The following DNAH14 variants were observed in gnomAD, a reference collection of about 807,000 sequenced individuals.
DNAH14 encodes axonemal beta dynein heavy chain 14.
DNAH14 carries 478 observed loss-of-function variants against 520.9 expected under a neutral mutation model. The observed-to-expected ratio is 0.92, with a 90% CI of 0.85 to 0.99. The LOEUF (loss-of-function observed/expected upper bound fraction) is 0.99. Among genes scored for constraint, DNAH14 ranks in the 50% least tolerant of loss-of-function variants. The probability of loss-of-function intolerance (pLI) is 0.00; values close to 1 mark genes in which losing one functional copy is unlikely to be tolerated. For missense variants in DNAH14, 4,831 were observed against 5,234.5 expected, an observed-to-expected ratio of 0.92 and a Z score of 2.38; for synonymous variants, 1,581 against 1,757.2, an observed-to-expected ratio of 0.90 and a Z score of 2.51.
At chr1:225,127,687 G>A (rs945813298) in intron 27 of DNAH14, among the ~76,000 whole-genome samples, 1 of 152,144 alleles carries the variant, frequency 6.6e-6, no homozygotes, top group South Asian at 2.1e-4. Flanking sequence ...GTCTTTTAAT[G>A]GGAGCGTTTA....
At chr1:225,190,234 C>A (rs1249457987) in intron 37 of DNAH14, among the ~76,000 whole-genome samples, 4 of 151,060 alleles carry the variant, frequency 2.6e-5, no homozygotes, top group Non-Finnish European at 4.5e-5. Flanking sequence ...TGAAATAGAA[C>A]AATTATAAAA....
intron 55 of DNAH14, among the ~76,000 whole-genome samples, chr1:225,299,864 C>G (rs2094104660): frequency 6.6e-6 from 1 of 152,150 alleles, no homozygotes; most frequent in Non-Finnish European, 1.5e-5. Context: ...CCCTGTGTCA[C>G]CTCTGTTGGC....
intron 8 of DNAH14, among the ~76,000 whole-genome samples, chr1:224,987,954 T>C (rs1003754277): frequency 3.9e-5 from 6 of 152,242 alleles, no homozygotes; most frequent in Middle Eastern, 6.8e-3. Flanking sequence ...GTTTGTTACA[T>C]AGGTAAATGT....
intron 21 of DNAH14, among the ~76,000 whole-genome samples, chr1:225,092,877 A>G (rs2074525983): frequency 6.6e-6 from 1 of 152,166 alleles, no homozygotes. Context: ...AGAAACCTTC[A>G]GAGACTACTA....
intron 79 of DNAH14, 151 bp from the exon 80 acceptor site, chr1:225,380,008 C>A: frequency 1.4e-6 from 1 of 737,034 alleles, no homozygotes; most frequent in South Asian, 2.1e-5. Flanking sequence ...GATGTATAAT[C>A]TATTTTTGTT....
At chr1:225,278,564 T>C (rs1170449352) in intron 54 of DNAH14, among the ~76,000 whole-genome samples, 2 of 152,194 alleles carry the variant, frequency 1.3e-5, no homozygotes, top group Non-Finnish European at 2.9e-5. Flanking sequence ...GTCCTTAGCC[T>C]TATCTTATAT....
intron 77 of DNAH14, among the ~76,000 whole-genome samples, chr1:225,373,335 C>CGG (rs2095642988): frequency 6.6e-6 from 1 of 152,006 alleles, no homozygotes; most frequent in Non-Finnish European, 1.5e-5. Flanking sequence ...CGTGGTGGTG[C>CGG]GCGCCTGTAG....
At position 225,207,040 on chromosome 1, in the gene DNAH14, T is replaced by A. The variant is rs1199778022; in HGVS notation, c.6259T>A (p.Ser2087Thr). The change falls in exon 41 of 86, where the codon TCA becomes ACA. Residue 2087 changes from serine (S) to threonine (T), a missense_variant. Physicochemically the swap from Ser to Thr is moderately conservative, Grantham distance 58. Coordinates refer to ENST00000682510, the MANE Select transcript of DNAH14 (RefSeq NM_001367479.1). The part of the protein sequence containing the change: ...LLKTSKIISQ[S>T]GVDCLEFMIK... ...GAAAACTTCTAAAATTATAAGTCAA[T>A]CAGGAGTGGATTGTCTTGAATTCAT... The A allele has an allele frequency of 1.9e-6, 3 of 1,549,220 alleles. No homozygotes were observed. The highest frequency in any genetic ancestry group is 2.6e-6 in the Non-Finnish European group (3 of 1,146,008).
chr1:225,325,656 G>A (rs988928300), intron 64 of DNAH14, among the ~76,000 whole-genome samples: 2 of 152,060 alleles, frequency 1.3e-5, no homozygotes, highest in African/African-American at 4.8e-5. Flanking sequence ...TTTAGCTCAC[G>A]TACATTTTGA....
chr1:225,105,487 A>G lies in DNAH14; in HGVS notation c.3867+4603A>G, dbSNP rs575019653. 1.1e-4 allele frequency among the ~76,000 whole-genome samples: 16 copies of G among 152,204 alleles called. 1 individual carries two copies. In the South Asian group the frequency reaches 1.9e-3, roughly 18 times the overall value. ...ATCTGTCTAATGTTGACAGTGGGGT[A>G]TTAAAGTCTCCCATTATTATTGTGT... On this transcript the variant is annotated intron_variant, in intron 23 of 85. Coordinates refer to ENST00000682510, the MANE Select transcript of DNAH14 (RefSeq NM_001367479.1).
At chr1:225,094,158 C>T (rs2074669852) in intron 21 of DNAH14, among the ~76,000 whole-genome samples, 1 of 151,980 alleles carries the variant, frequency 6.6e-6, no homozygotes, top group Non-Finnish European at 1.5e-5. Context: ...CAAAAAAGAG[C>T]CCAAATAGCC....
Position 225,144,548 on chromosome 1 carries a change from G to C in DNAH14, c.4660G>C (p.Ala1554Pro). 1.3e-6 allele frequency: 2 copies of C among 1,551,572 alleles called. No homozygotes were observed. The highest frequency in any genetic ancestry group is 2.4e-5 in the South Asian group (2 of 84,054). ...TDRCWLTLME[A>P]LHLNLGGCPA... Reference sequence around the variant, plus strand: ...CCGATGCTGGCTGACTCTCATGGAAGCACTACACTTGAATCTAGGAGGCTG... The same window carrying C: ...CCGATGCTGGCTGACTCTCATGGAACCACTACACTTGAATCTAGGAGGCTG... The change falls in exon 29 of 86, where the codon GCA (alanine) becomes CCA (proline). Residue 1554 changes from alanine to proline, a missense_variant. Coordinates refer to ENST00000682510, the MANE Select transcript of DNAH14 (RefSeq NM_001367479.1).
intron 3 of DNAH14, among the ~76,000 whole-genome samples, chr1:224,958,226 G>A (rs992151412): frequency 3.9e-5 from 6 of 152,096 alleles, no homozygotes; most frequent in African/African-American, 1.4e-4. Flanking sequence ...GAGGAGCATG[G>A]AGAAAATCTG....
intron 78 of DNAH14, among the ~76,000 whole-genome samples, chr1:225,376,253 C>A (rs2095699379): frequency 6.6e-6 from 1 of 151,894 alleles, no homozygotes; most frequent in African/African-American, 2.4e-5. Flanking sequence ...ATGATGAGAC[C>A]TTATCTGTAC....
chr1:225,390,055 AC>A (rs1319290001), intron 83 of DNAH14, among the ~76,000 whole-genome samples, 182 bp downstream of exon 83: 1 of 150,592 alleles, frequency 6.6e-6, no homozygotes, highest in African/African-American at 2.5e-5. Flanking sequence ...TCCTTCCCTC[AC>A]CCCAACCTCC....
chr1:225,302,263 G>C (rs77555836), intron 56 of DNAH14, among the ~76,000 whole-genome samples: 1 of 151,512 alleles, frequency 6.6e-6, no homozygotes, highest in African/African-American at 2.4e-5. Context: ...TTGGGAATGC[G>C]TAAAACAAAG....
At chr1:224,930,791 G>A (rs1241711792) in intron 1 of DNAH14, among the ~76,000 whole-genome samples, 1 of 152,056 alleles carries the variant, frequency 6.6e-6, no homozygotes, top group Non-Finnish European at 1.5e-5. Context: ...GTAGAGACGG[G>A]GCTTCACCGT....
chr1:225,002,134 C>A (rs1169094437), intron 8 of DNAH14, among the ~76,000 whole-genome samples: 1 of 152,048 alleles, frequency 6.6e-6, no homozygotes, highest in Non-Finnish European at 1.5e-5. Context: ...CAGAAGTCCC[C>A]CTCTTCTCCA....
intron 19 of DNAH14, among the ~76,000 whole-genome samples, chr1:225,082,270 G>A (rs1364910768): frequency 6.6e-6 from 1 of 150,964 alleles, no homozygotes. Flanking sequence ...GTGGTAGCTG[G>A]CCACTCCTGG....
Sources: gnomAD v4.1 joint callset for allele counts (sites outside exome capture counted in the v4.1 genomes callset) on GRCh38, gnomAD v4.1.1 for gene constraint, MANE v1.5 for transcripts, NCBI Gene and HGNC (gene_info 2026-07-23, HGNC 2026-07-21) for gene names.